UPB1: variants seen among roughly 807,000 people sequenced by gnomAD.
The protein encoded by UPB1 is beta-ureidopropionase.
UPB1 carries 40 observed loss-of-function variants against 49.1 expected under a neutral mutation model. The ratio of observed to expected loss-of-function variants is 0.81; its 90% CI spans 0.63 to 1.06. The LOEUF is 1.06. Among genes scored for constraint, UPB1 ranks in the 50% least tolerant of loss-of-function variants. UPB1 has a pLI of 0.00. For synonymous variants in UPB1, 207 were observed against 198.2 expected, an observed-to-expected ratio of 1.04 and a Z score of -0.38; for missense variants, 499 against 505.9, an observed-to-expected ratio of 0.99 and a Z score of 0.13.
At chr22:24,515,645 T>G (rs886134731) in intron 6 of UPB1, among the ~76,000 whole-genome samples, 1 of 151,810 alleles carries the variant, frequency 6.6e-6, no homozygotes, top group Admixed American at 6.6e-5. Context: ...TGAAAATAAT[T>G]CCCCCCTTTC....
At chr22:24,496,404 TACACACACACACACAC>T (rs1012330972) in intron 1 of UPB1, among the ~76,000 whole-genome samples, 34 of 126,894 alleles carry the variant, frequency 2.7e-4, no homozygotes, top group South Asian at 5.4e-4. Flanking sequence ...CACACACACA[TACACACACACACACAC>T]ACACACGTCT....
intron 3 of UPB1, among the ~76,000 whole-genome samples, chr22:24,510,443 C>G (rs1200972983): frequency 6.6e-6 from 1 of 152,108 alleles, no homozygotes; most frequent in Admixed American, 6.5e-5. Flanking sequence ...TGATAAGACA[C>G]TTGGGTTGTT....
rs2044477220 is a variant in UPB1, at chr22:24,526,090, A to G, written c.*296A>G. ...AATTTTACCTCAACTAAAAAAAAAA[A>G]TGCCCAGGTACTGCTTGTGCAGGTG... On this transcript the variant is annotated 3_prime_UTR_variant, in exon 10 of 10. Coordinates refer to ENST00000326010, the MANE Select transcript of UPB1 (RefSeq NM_016327.3). 1 of 406,278 alleles carries G rather than the reference A, an allele frequency of 2.5e-6. No individual in the cohort carries two copies. The highest frequency in any genetic ancestry group is 4.7e-6 in the Non-Finnish European group (1 of 214,784). 25.2% of individuals were successfully genotyped at this position (406,278 alleles called of 1,614,324 possible).
intron 7 of UPB1, among the ~76,000 whole-genome samples, chr22:24,521,617 T>C (rs1473895146): frequency 6.6e-6 from 1 of 152,210 alleles, no homozygotes; most frequent in Non-Finnish European, 1.5e-5. Flanking sequence ...ACCTGCCCAC[T>C]GCCTTCACAC....
chr22:24,518,148 G>C (rs2044328887), intron 6 of UPB1: 2 of 152,098 alleles, frequency 1.3e-5, no homozygotes, highest in South Asian at 4.1e-4. Flanking sequence ...CTGGGTGACA[G>C]AACAAGACAG....
intron 7 of UPB1, among the ~76,000 whole-genome samples, chr22:24,521,163 CAG>C (rs149382774): frequency 1.8e-4 from 22 of 120,680 alleles, no homozygotes; most frequent in African/African-American, 7.3e-4. Context: ...GCTTGGGTGA[CAG>C]AGTGAGACTC....
intron 6 of UPB1, 126 bp downstream of exon 6, chr22:24,515,496 C>T: frequency 7.7e-7 from 1 of 1,303,272 alleles, no homozygotes; most frequent in Non-Finnish European, 1.1e-6. Context: ...AGAGCTGAGC[C>T]CCCAGGATTG....
intron 9 of UPB1, among the ~76,000 whole-genome samples, chr22:24,524,114 C>A (rs188435626): frequency 6.6e-6 from 1 of 152,204 alleles, no homozygotes; most frequent in Admixed American, 6.5e-5. Context: ...GCACTTATCA[C>A]AAGATAAATA....
chr22:24,513,256 C>G, intron 4 of UPB1, 68 bp from the exon 5 acceptor site: 1 of 1,611,020 alleles, frequency 6.2e-7, no homozygotes, highest in Non-Finnish European at 8.5e-7. Flanking sequence ...TAGGATCATT[C>G]TTCTTTGATA....
intron 8 of UPB1, among the ~76,000 whole-genome samples, chr22:24,522,230 G>C (rs975365062): frequency 2.0e-5 from 3 of 152,136 alleles, no homozygotes; most frequent in African/African-American, 7.2e-5. Context: ...GCAGTCCTGA[G>C]CTTGAGGAGT....
chr22:24,519,305 GC>G (rs2044347953), intron 6 of UPB1, among the ~76,000 whole-genome samples: 1 of 152,100 alleles, frequency 6.6e-6, no homozygotes, highest in Non-Finnish European at 1.5e-5. Flanking sequence ...TAAACCAGGT[GC>G]CTGCTGACAC....
chr22:24,511,093 C>T (rs967079848), intron 4 of UPB1, among the ~76,000 whole-genome samples: 3 of 151,944 alleles, frequency 2.0e-5, no homozygotes, highest in South Asian at 2.1e-4. Context: ...GGAGGGTGGT[C>T]GGAGGTGACT....
intron 3 of UPB1, among the ~76,000 whole-genome samples, chr22:24,509,363 A>G (rs1482976837): frequency 3.0e-3 from 38 of 12,760 alleles, no homozygotes; most frequent in East Asian, 0.016. Flanking sequence ...TACTGTTTGA[A>G]AAAAAAAAAA....
rs540981984 is a variant in UPB1, at chr22:24,495,787, C to T, written c.104+280C>T. Reference sequence around the variant, plus strand: ...TACTCTCCAGGGCTTTCTCTGTGGCCATCCCAACCCTCCTCCCCGGAGCCG... The same window carrying T: ...TACTCTCCAGGGCTTTCTCTGTGGCTATCCCAACCCTCCTCCCCGGAGCCG... On this transcript the variant is annotated intron_variant, in intron 1 of 9. Coordinates refer to ENST00000326010, the MANE Select transcript of UPB1 (RefSeq NM_016327.3). Among the ~76,000 whole-genome samples the T allele has an allele frequency of 1.8e-4, 27 of 152,272 alleles. No homozygotes were observed. The South Asian group carries it at 5.0e-3, about 28-fold the overall frequency.
chr22:24,495,641 AC>A, intron 1 of UPB1, 134 bp downstream of exon 1: 1 of 941,998 alleles, frequency 1.1e-6, no homozygotes, highest in Non-Finnish European at 1.7e-6. Flanking sequence ...GCGGGCAGAG[AC>A]CATAGTAGGT....
At chr22:24,524,859 C>A (rs1568998298) in intron 9 of UPB1, among the ~76,000 whole-genome samples, 1 of 152,168 alleles carries the variant, frequency 6.6e-6, no homozygotes, top group Non-Finnish European at 1.5e-5. Context: ...CCCGGTGTGA[C>A]TAAAAGACCA....
chr22:24,521,456 C>G (rs1346813562), intron 7 of UPB1, among the ~76,000 whole-genome samples: 2 of 151,894 alleles, frequency 1.3e-5, no homozygotes, highest in African/African-American at 2.4e-5. Flanking sequence ...GCCTGGGCAA[C>G]AAAAATGAAA....
intron 9 of UPB1, among the ~76,000 whole-genome samples, chr22:24,525,408 A>G (rs2044466315): frequency 6.6e-6 from 1 of 152,178 alleles, no homozygotes; most frequent in African/African-American, 2.4e-5. Flanking sequence ...GGGCTGTAGG[A>G]TGCTCTTCTG....
intron 4 of UPB1, among the ~76,000 whole-genome samples, chr22:24,513,096 G>A (rs1279633367): frequency 6.6e-6 from 1 of 152,142 alleles, no homozygotes; most frequent in Admixed American, 6.5e-5. Context: ...ACTCCCATAT[G>A]GTTTTCCAGA....
Sources: allele counts gnomAD v4.1 joint callset (sites outside exome capture counted in the v4.1 genomes callset), GRCh38; gene constraint gnomAD v4.1.1; transcripts MANE v1.5; gene names NCBI Gene and HGNC (gene_info 2026-07-23, HGNC 2026-07-21).